BCAR3: variants seen among roughly 807,000 people sequenced by gnomAD.
The protein encoded by BCAR3 is BCAR3 adaptor protein, NSP family member, also known as breast cancer anti-estrogen resistance protein 3.
In BCAR3, 37 loss-of-function variants were observed where a neutral mutation model predicts 80.1. The observed-to-expected ratio is 0.46, with a 90% CI of 0.36 to 0.61. The LOEUF (loss-of-function observed/expected upper bound fraction) is 0.61. Ranked by LOEUF, BCAR3 falls within the 20% of genes least tolerant of loss-of-function variation. BCAR3 has a pLI of 0.00. For missense variants in BCAR3, 978 were observed against 1,068.2 expected, an observed-to-expected ratio of 0.92 and a Z score of 1.18; for synonymous variants, 389 against 418.9, an observed-to-expected ratio of 0.93 and a Z score of 0.87.
At chr1:93,804,043 G>T (rs1653581631) in intron 2 of BCAR3, among the ~76,000 whole-genome samples, 1 of 152,234 alleles carries the variant, frequency 6.6e-6, no homozygotes, top group South Asian at 2.1e-4. Flanking sequence ...GGACATAGCA[G>T]CTTATGCCTG....
intron 2 of BCAR3, among the ~76,000 whole-genome samples, chr1:93,653,049 T>C (rs1019638523): frequency 3.9e-5 from 6 of 152,368 alleles, no homozygotes; most frequent in Admixed American, 2.6e-4. Flanking sequence ...TTATTTTGAA[T>C]TAAGAGGTCC....
intron 2 of BCAR3, among the ~76,000 whole-genome samples, chr1:93,658,048 C>A (rs937780392): frequency 2.0e-5 from 3 of 151,694 alleles, no homozygotes; most frequent in Non-Finnish European, 4.4e-5. Flanking sequence ...TCGAGCCATT[C>A]TCCTGGCTCA....
intron 2 of BCAR3, among the ~76,000 whole-genome samples, chr1:93,843,755 T>C (rs1272496852): frequency 1.3e-5 from 2 of 152,248 alleles, no homozygotes; most frequent in East Asian, 3.8e-4. Flanking sequence ...CCTTGCTTCA[T>C]TTGCTTATTG....
intron 3 of BCAR3, among the ~76,000 whole-genome samples, chr1:93,611,161 A>T (rs895296403): frequency 8.5e-5 from 13 of 152,202 alleles, no homozygotes; most frequent in Non-Finnish European, 1.8e-4. Flanking sequence ...ACAAGATGTG[A>T]AAGAACTCAT....
chr1:93,700,114 A>T (rs1649582945), intron 3 of BCAR3, among the ~76,000 whole-genome samples: 1 of 152,176 alleles, frequency 6.6e-6, no homozygotes, highest in Admixed American at 6.5e-5. Flanking sequence ...GGCTCAGCAC[A>T]CCCAAGACTC....
intron 3 of BCAR3, among the ~76,000 whole-genome samples, chr1:93,629,853 C>T (rs1175966776): frequency 6.6e-6 from 1 of 152,174 alleles, no homozygotes; most frequent in Non-Finnish European, 1.5e-5. Context: ...TTTAAGGTGA[C>T]AACAGCAACC....
At chr1:93,726,873 C>T (rs1219440129) in intron 2 of BCAR3, among the ~76,000 whole-genome samples, 1 of 152,178 alleles carries the variant, frequency 6.6e-6, no homozygotes, top group African/African-American at 2.4e-5. Context: ...TATTTATCAA[C>T]AGCCTGTACT....
intron 3 of BCAR3, among the ~76,000 whole-genome samples, chr1:93,638,472 C>G (rs990509224): frequency 6.6e-6 from 1 of 152,148 alleles, no homozygotes; most frequent in Non-Finnish European, 1.5e-5. Context: ...AAGTAAAAAT[C>G]TGGGCAAGTG....
intron 3 of BCAR3, chr1:93,614,158 G>A (rs1205915964): frequency 1.5e-6 from 2 of 1,323,402 alleles, no homozygotes; most frequent in South Asian, 2.2e-5. Context: ...GCAGGCTGGT[G>A]TCCAGCCTGC....
intron 1 of BCAR3, among the ~76,000 whole-genome samples, chr1:93,679,736 T>C (rs933598382): frequency 1.3e-5 from 2 of 152,212 alleles, no homozygotes; most frequent in African/African-American, 4.8e-5. Context: ...TTGAAATGTT[T>C]GTGAACTGAG....
At chr1:93,710,109 T>A (rs1649968315) in intron 2 of BCAR3, among the ~76,000 whole-genome samples, 1 of 152,204 alleles carries the variant, frequency 6.6e-6, no homozygotes, top group African/African-American at 2.4e-5. Flanking sequence ...AGTGTCCTAG[T>A]CTCTGTAAAA....
In BCAR3 at chr1:93,585,771, C is replaced by G. The variant is rs1673917251; in HGVS notation, c.930-1650G>C. On this transcript the variant is annotated intron_variant, in intron 5 of 11. Coordinates refer to ENST00000260502, the MANE Select transcript of BCAR3 (RefSeq NM_003567.4). ...TTGTTTGTTTTGAGACAGGCTCTCG[C>G]TCTGTTGCCCAGGCTGGAGTGAAGT... 4.6e-5 allele frequency among the ~76,000 whole-genome samples: 7 copies of G among 152,180 alleles called. No individual in the cohort carries two copies. The South Asian group carries it at 1.5e-3, about 32-fold the overall frequency.
chr1:93,703,956 T>C lies in BCAR3; in HGVS notation c.-12+2136A>G, dbSNP rs144118338. ...ACATGTGGTTATTTACATTTAAGTC[T>C]AAATGAATTAAAATTAAGTGAAATT... On this transcript the variant is annotated intron_variant, in intron 3 of 13. Transcript: ENST00000370244. 1.2e-4 allele frequency among the ~76,000 whole-genome samples: 19 copies of C among 152,370 alleles called. No homozygotes were observed. In the East Asian group the frequency reaches 3.7e-3, roughly 29 times the overall value.
chr1:93,831,635 C>T (rs1571157650), intron 2 of BCAR3, among the ~76,000 whole-genome samples: 1 of 152,142 alleles, frequency 6.6e-6, no homozygotes, highest in South Asian at 2.1e-4. Flanking sequence ...TCAGTCTCCA[C>T]CCCAAGCTCT....
chr1:93,678,164 G>A (rs1326884138), intron 1 of BCAR3, among the ~76,000 whole-genome samples: 2 of 152,286 alleles, frequency 1.3e-5, no homozygotes, highest in Non-Finnish European at 1.5e-5. Flanking sequence ...CTCTGTGGGC[G>A]GGACATTAGC....
intron 1 of BCAR3, chr1:93,846,721 TCCGCCCACGCAGTCGCGGGCC>T (rs1047898264): frequency 8.2e-6 from 3 of 365,078 alleles, no homozygotes; most frequent in South Asian, 4.1e-5. Context: ...CCTCCCGGCT[TCCGCCCACGCAGTCGCGGGCC>T]CCGGGCGCGC....
chr1:93,584,211 A>G, intron 5 of BCAR3, 90 bp from the exon 6 acceptor site: 1 of 1,151,578 alleles, frequency 8.7e-7, no homozygotes. Context: ...AACAAAAACA[A>G]AAAAAAAGAA....
At chr1:93,660,940 G>A (rs532543112) in intron 2 of BCAR3, among the ~76,000 whole-genome samples, 2 of 151,598 alleles carry the variant, frequency 1.3e-5, no homozygotes, top group South Asian at 2.1e-4. Flanking sequence ...GCAATTGCAC[G>A]ATCTTGGCTC....
At chr1:93,751,264 C>G (rs960200359) in intron 2 of BCAR3, among the ~76,000 whole-genome samples, 1 of 152,194 alleles carries the variant, frequency 6.6e-6, no homozygotes, top group Non-Finnish European at 1.5e-5. Flanking sequence ...TAAGCTGCAG[C>G]TGACTCCTCC....
Sources: gnomAD v4.1 joint callset for allele counts (sites outside exome capture counted in the v4.1 genomes callset) on GRCh38, gnomAD v4.1.1 for gene constraint, MANE v1.5 for transcripts, NCBI Gene and HGNC (gene_info 2026-07-23, HGNC 2026-07-21) for gene names.